Variants in CCDC144A observed in about 807,000 individuals in gnomAD.
CCDC144A encodes coiled-coil domain-containing protein 144A.
In CCDC144A, 41 loss-of-function variants were observed where a neutral mutation model predicts 143.8. That is an observed-to-expected ratio of 0.29 (90% CI 0.22 to 0.37). The LOEUF is 0.37. CCDC144A is among the 10% of genes least tolerant of loss of function. The pLI, the probability that CCDC144A is intolerant of heterozygous loss-of-function variation, is 1.00. For missense variants in CCDC144A, 637 were observed against 1,488.8 expected, an observed-to-expected ratio of 0.43 and a Z score of 9.41; for synonymous variants, 242 against 517.9, an observed-to-expected ratio of 0.47 and a Z score of 7.23.
intron 6 of CCDC144A, among the ~76,000 whole-genome samples, chr17:16,719,477 A>C (rs907695554): frequency 2.6e-5 from 4 of 152,166 alleles, no homozygotes; most frequent in African/African-American, 9.7e-5. Flanking sequence ...CTCTCTTTAA[A>C]ACACTTGAAA....
chr17:16,673,422 T>C, the CCDC144A span, among the ~76,000 whole-genome samples: 12 of 152,048 alleles, frequency 7.9e-5, no homozygotes, highest in East Asian at 2.1e-3. Context: ...GTTTCACTTT[T>C]GTTGCCCAGG....
Position 16,730,774 on chromosome 17 carries a change from G to A in CCDC144A, c.2106-1026G>A, listed in dbSNP as rs1913702236. 1.4e-5 allele frequency among the ~76,000 whole-genome samples: 2 copies of A among 139,370 alleles called. 1 individual carries two copies. Among genetic ancestry groups the A allele is most frequent in the Admixed American group, 1.4e-4 (2 of 14,222 alleles). The allele number at this position is 139,370 out of a possible 152,430, so 91.4% of individuals were successfully genotyped here. On this transcript the variant is annotated intron_variant, in intron 9 of 16. Transcript: ENST00000399273. ...TTGCAGCTGTTGTAAAAGGGATTAG[G>A]TTCTTGATTAGATTCTCACATTGGT...
At chr17:16,674,680 A>C in the CCDC144A span, among the ~76,000 whole-genome samples, 1 of 152,126 alleles carries the variant, frequency 6.6e-6, no homozygotes, top group Non-Finnish European at 1.5e-5. Flanking sequence ...CTCTGTAATG[A>C]ATAAACCACA....
At chr17:16,732,416 A>G in intron 10 of CCDC144A, 122 bp from the exon 11 acceptor site, 2 of 618,460 alleles carry the variant, frequency 3.2e-6, no homozygotes, top group Non-Finnish European at 5.6e-6. Context: ...CTTGAGGGAT[A>G]AAAGTTCTTG....
intron 12 of CCDC144A, among the ~76,000 whole-genome samples, chr17:16,751,104 T>C (rs1196155275): frequency 2.0e-5 from 3 of 152,218 alleles, no homozygotes; most frequent in African/African-American, 7.2e-5. Context: ...ATGCTCTGAT[T>C]TGTTGAATTG....
At chr17:16,719,155 AATC>A (rs1912944108) in intron 6 of CCDC144A, among the ~76,000 whole-genome samples, 1 of 151,492 alleles carries the variant, frequency 6.6e-6, no homozygotes, top group South Asian at 2.1e-4. Context: ...AAAAATATTT[AATC>A]AAGTTGACCT....
the CCDC144A span, among the ~76,000 whole-genome samples, chr17:16,678,938 G>A: frequency 6.6e-6 from 1 of 151,854 alleles, no homozygotes; most frequent in African/African-American, 2.4e-5. Flanking sequence ...ATTTTTAGTA[G>A]AGGGCGGGTT....
chr17:16,712,778 A>G (rs1259216501), intron 6 of CCDC144A, among the ~76,000 whole-genome samples: 1 of 152,222 alleles, frequency 6.6e-6, no homozygotes, highest in East Asian at 1.9e-4. Context: ...TTTTAACAAA[A>G]GAAGTTGTTA....
the CCDC144A span, among the ~76,000 whole-genome samples, chr17:16,678,262 T>G: frequency 1.3e-5 from 2 of 151,564 alleles, no homozygotes; most frequent in African/African-American, 4.8e-5. Context: ...TTCCTCCCAC[T>G]CTCCAACAAG....
At chr17:16,688,949 T>G (rs1910891243), upstream of CCDC144A, among the ~76,000 whole-genome samples, 1 of 152,184 alleles carries the variant, frequency 6.6e-6, no homozygotes, top group Non-Finnish European at 1.5e-5. Context: ...AGCATCTGAT[T>G]AAAGCCTTCT....
chr17:16,685,444 G>A (rs1285931890), upstream of CCDC144A, among the ~76,000 whole-genome samples: 1 of 151,976 alleles, frequency 6.6e-6, no homozygotes, highest in African/African-American at 2.4e-5. Context: ...CAAATGGCGT[G>A]GTCTCGGCTC....
At chr17:16,676,044 G>A in the CCDC144A span, among the ~76,000 whole-genome samples, 5 of 151,932 alleles carry the variant, frequency 3.3e-5, no homozygotes, top group South Asian at 6.3e-4. Flanking sequence ...CACTGCGCCC[G>A]GCCCACGCAG....
At chr17:16,688,137 C>A (rs1317108791), upstream of CCDC144A, among the ~76,000 whole-genome samples, 7 of 151,990 alleles carry the variant, frequency 4.6e-5, no homozygotes, top group East Asian at 1.4e-3. Context: ...CAAAGTGCCA[C>A]CCTTAAACTG....
At chr17:16,749,062 C>T (rs1914666774) in intron 12 of CCDC144A, among the ~76,000 whole-genome samples, 1 of 151,832 alleles carries the variant, frequency 6.6e-6, no homozygotes, top group Non-Finnish European at 1.5e-5. Flanking sequence ...TTCACTGATC[C>T]TTTGTATGGA....
intron 8 of CCDC144A, among the ~76,000 whole-genome samples, chr17:16,723,119 T>A (rs546130277): frequency 9.2e-5 from 14 of 152,180 alleles, no homozygotes; most frequent in Non-Finnish European, 1.9e-4. Context: ...TTCACCAGCA[T>A]AGCTATCTGG....
chr17:16,673,352 C>T, the CCDC144A span, among the ~76,000 whole-genome samples: 1 of 151,236 alleles, frequency 6.6e-6, no homozygotes, highest in Admixed American at 6.6e-5. Flanking sequence ...TTGCTATTCG[C>T]TTACATTTAA....
upstream of CCDC144A, among the ~76,000 whole-genome samples, chr17:16,686,091 G>GTTTTTT (rs67135656): frequency 3.5e-5 from 4 of 114,710 alleles, no homozygotes; most frequent in Non-Finnish European, 7.3e-5. Flanking sequence ...TGTTTTTTTT[G>GTTTTTT]TTTTTTTTTT....
chr17:16,751,761 G>T (rs866665019), intron 12 of CCDC144A, among the ~76,000 whole-genome samples: 2 of 152,234 alleles, frequency 1.3e-5, no homozygotes, highest in African/African-American at 4.8e-5. Flanking sequence ...TGGGTCAAGG[G>T]GGGAGGATCC....
chr17:16,685,547 A>T (rs1567578157), upstream of CCDC144A, among the ~76,000 whole-genome samples: 1 of 148,834 alleles, frequency 6.7e-6, no homozygotes, highest in African/African-American at 2.5e-5. Flanking sequence ...CGCCTGGCTA[A>T]TTTTTTTGTA....
Sources: gnomAD v4.1 joint callset for allele counts (sites outside exome capture counted in the v4.1 genomes callset) on GRCh38, gnomAD v4.1.1 for gene constraint, MANE v1.5 for transcripts, NCBI Gene and HGNC (gene_info 2026-07-23, HGNC 2026-07-21) for gene names.